Variants in TACR3 observed in about 807,000 individuals in gnomAD.
The protein encoded by TACR3 is neuromedin-K receptor.
A neutral mutation model predicts 35.0 loss-of-function variants in TACR3; 34 were observed. The observed-to-expected ratio is 0.97, with a 90% CI of 0.74 to 1.30. The LOEUF is 1.30. TACR3 is among the 50% of genes most tolerant of loss of function. TACR3 has a pLI of 0.00. For synonymous variants in TACR3, 233 were observed against 221.1 expected (o/e 1.05, Z -0.48); for missense variants, 558 against 591.7 (o/e 0.94, Z 0.59).
At chr4:103,673,834 G>C (rs1327044307) in intron 1 of TACR3, among the ~76,000 whole-genome samples, 1 of 152,144 alleles carries the variant, frequency 6.6e-6, no homozygotes, top group East Asian at 1.9e-4. Flanking sequence ...AATATTTCTA[G>C]TAGTCAATGC....
chr4:103,675,762 C>A (rs1187254115), intron 1 of TACR3, among the ~76,000 whole-genome samples: 1 of 152,034 alleles, frequency 6.6e-6, no homozygotes, highest in Non-Finnish European at 1.5e-5. Flanking sequence ...CCTCCCATTT[C>A]CTCCATGTGT....
chr4:103,644,373 T>G (rs994087110), intron 3 of TACR3, among the ~76,000 whole-genome samples: 4 of 151,890 alleles, frequency 2.6e-5, no homozygotes, highest in African/African-American at 7.2e-5. Flanking sequence ...GACTTTGTTT[T>G]GTTTTTAGCT....
intron 1 of TACR3, among the ~76,000 whole-genome samples, chr4:103,713,726 G>A (rs1723024343): frequency 6.6e-6 from 1 of 152,074 alleles, no homozygotes; most frequent in African/African-American, 2.4e-5. Context: ...GGATGAGATT[G>A]GTTGGGGACA....
chr4:103,595,224 A>G (rs1196543681), intron 3 of TACR3, among the ~76,000 whole-genome samples: 1 of 152,210 alleles, frequency 6.6e-6, no homozygotes, highest in Non-Finnish European at 1.5e-5. Context: ...AACAGAAAAA[A>G]GAATCAGGTG....
intron 3 of TACR3, among the ~76,000 whole-genome samples, chr4:103,649,670 A>C (rs906450438): frequency 6.6e-6 from 1 of 152,096 alleles, no homozygotes; most frequent in African/African-American, 2.4e-5. Context: ...TTTCAACTCC[A>C]GCAATTTTTC....
At chr4:103,634,945 A>AAAAT (rs1339790496) in intron 3 of TACR3, among the ~76,000 whole-genome samples, 1 of 152,106 alleles carries the variant, frequency 6.6e-6, no homozygotes, top group Non-Finnish European at 1.5e-5. Context: ...TTGGGAGTGT[A>AAAAT]AAATAAAATA....
chr4:103,607,589 G>T (rs1163992141), intron 3 of TACR3, among the ~76,000 whole-genome samples: 1 of 151,986 alleles, frequency 6.6e-6, no homozygotes, highest in African/African-American at 2.4e-5. Context: ...TGATAATATA[G>T]GCTTAAGAAA....
chr4:103,713,081 T>G (rs1280904646), intron 1 of TACR3, among the ~76,000 whole-genome samples: 1 of 152,086 alleles, frequency 6.6e-6, no homozygotes, highest in Non-Finnish European at 1.5e-5. Flanking sequence ...TCCTCAAGGA[T>G]CTATAACTAG....
chr4:103,679,324 G>A (rs908086926), intron 1 of TACR3, among the ~76,000 whole-genome samples: 7 of 151,948 alleles, frequency 4.6e-5, no homozygotes, highest in East Asian at 3.9e-4. Context: ...ACAGTGTGGC[G>A]TATAAATAAT....
intron 1 of TACR3, among the ~76,000 whole-genome samples, chr4:103,690,762 T>G (rs1267720708): frequency 6.6e-6 from 1 of 152,156 alleles, no homozygotes; most frequent in Non-Finnish European, 1.5e-5. Context: ...TAGACAAAGA[T>G]GTATTTATTC....
intron 3 of TACR3, among the ~76,000 whole-genome samples, chr4:103,620,328 C>T (rs140874971): frequency 1.7e-4 from 26 of 152,290 alleles, no homozygotes; most frequent in African/African-American, 3.1e-4. Flanking sequence ...TTAGCATGAC[C>T]GCTATGGAAA....
chr4:103,607,900 A>G (rs2110295638), intron 3 of TACR3, among the ~76,000 whole-genome samples: 1 of 152,182 alleles, frequency 6.6e-6, no homozygotes, highest in Middle Eastern at 3.4e-3. Context: ...TTTAGGAGGG[A>G]TTGCCAGTCC....
chr4:103,675,897 T>G (rs1726159740), intron 1 of TACR3, among the ~76,000 whole-genome samples: 1 of 152,142 alleles, frequency 6.6e-6, no homozygotes, highest in Non-Finnish European at 1.5e-5. Flanking sequence ...AAGGAGTAGA[T>G]CTGAACCGAA....
intron 3 of TACR3, among the ~76,000 whole-genome samples, chr4:103,620,901 T>TAAAAA (rs60906380): frequency 0.61 from 91,931 of 151,594 alleles, 29,913 homozygotes; most frequent in African/African-American, 0.84. Context: ...TTTTAAAAAA[T>TAAAAA]AAAGATTCCA....
At chr4:103,629,851 A>C (rs1725008350) in intron 3 of TACR3, among the ~76,000 whole-genome samples, 1 of 79,468 alleles carries the variant, frequency 1.3e-5, no homozygotes, top group South Asian at 3.7e-4. Context: ...TAAGCAAAAC[A>C]AAAAAAAAAC....
chr4:103,615,835 A>AT (rs371066160), intron 3 of TACR3, among the ~76,000 whole-genome samples: 5,916 of 152,248 alleles, frequency 0.039, 184 homozygotes, highest in Middle Eastern at 0.072. Flanking sequence ...ATCTCGGTAT[A>AT]TTTTTTTGTT....
chr4:103,679,758 A>G (rs1057008705), intron 1 of TACR3, among the ~76,000 whole-genome samples: 3 of 151,934 alleles, frequency 2.0e-5, no homozygotes, highest in Admixed American at 6.6e-5. Context: ...GACTGTAGAT[A>G]ACTGCAGGGA....
At chr4:103,680,850 T>C (rs959738838) in intron 1 of TACR3, among the ~76,000 whole-genome samples, 1 of 151,890 alleles carries the variant, frequency 6.6e-6, no homozygotes, top group Admixed American at 6.6e-5. Flanking sequence ...ATTAGGAAAT[T>C]GAACATTATT....
At chr4:103,676,689 C>T (rs1578253304) in intron 1 of TACR3, among the ~76,000 whole-genome samples, 2 of 152,248 alleles carry the variant, frequency 1.3e-5, no homozygotes, top group South Asian at 4.1e-4. Context: ...AACTGGACCC[C>T]TTCCTTACAC....
Sources: allele counts gnomAD v4.1 joint callset (sites outside exome capture counted in the v4.1 genomes callset), GRCh38; gene constraint gnomAD v4.1.1; transcripts MANE v1.5; gene names NCBI Gene and HGNC (gene_info 2026-07-23, HGNC 2026-07-21).